ADAM12: variants seen among roughly 807,000 people sequenced by gnomAD.
ADAM12 encodes disintegrin and metalloproteinase domain-containing protein 12.
A neutral mutation model predicts 106.4 loss-of-function variants in ADAM12; 70 were observed. The ratio of observed to expected loss-of-function variants is 0.66; its 90% confidence interval spans 0.54 to 0.80. ADAM12 has a LOEUF of 0.80. Among genes scored for constraint, ADAM12 ranks in the 30% least tolerant of loss-of-function variants. ADAM12 has a pLI of 0.00. For synonymous variants in ADAM12, 420 were observed against 433.5 expected (o/e 0.97, Z 0.39); for missense variants, 1,010 against 1,171.9 (o/e 0.86, Z 2.02).
chr10:126,252,115 GGGATGGATGGATGGATGGACA>G (rs1958793554), intron 3 of ADAM12, among the ~76,000 whole-genome samples: 1 of 94,266 alleles, frequency 1.1e-5, no homozygotes, highest in African/African-American at 3.0e-5. Flanking sequence ...ATGGATGGAT[GGGATGGATGGATGGATGGACA>G]GGATGGATGG....
intron 3 of ADAM12, 50 bp from the exon 4 acceptor site, chr10:126,155,355 A>T: frequency 2.7e-6 from 4 of 1,507,112 alleles, no homozygotes; most frequent in Non-Finnish European, 3.7e-6. Context: ...AATTGCATTG[A>T]TACATTGTTG....
intron 21 of ADAM12, among the ~76,000 whole-genome samples, chr10:126,026,611 A>T (rs572477399): frequency 1.3e-5 from 2 of 152,244 alleles, no homozygotes; most frequent in African/African-American, 2.4e-5. Context: ...CTTAAGATTA[A>T]GAAATTCACT....
At chr10:126,227,177 A>G (rs548455035) in intron 3 of ADAM12, among the ~76,000 whole-genome samples, 1 of 151,960 alleles carries the variant, frequency 6.6e-6, no homozygotes, top group African/African-American at 2.4e-5. Flanking sequence ...GATCATAATC[A>G]CCATATCACC....
At chr10:126,344,823 TTGTC>T in intron 1 of ADAM12, among the ~76,000 whole-genome samples, 2 of 151,788 alleles carry the variant, frequency 1.3e-5, no homozygotes, top group East Asian at 3.9e-4. Flanking sequence ...GGCTCTCTGT[TTGTC>T]TGTTATTGGT....
intron 1 of ADAM12, among the ~76,000 whole-genome samples, chr10:126,332,846 A>C (rs1018875934): frequency 6.6e-6 from 1 of 152,108 alleles, no homozygotes; most frequent in Admixed American, 6.6e-5. Flanking sequence ...CTTGCTCAGG[A>C]CCCCACGGGA....
intron 1 of ADAM12, among the ~76,000 whole-genome samples, chr10:126,332,211 C>T (rs1424344447): frequency 6.6e-6 from 1 of 152,192 alleles, no homozygotes; most frequent in Admixed American, 6.5e-5. Context: ...AGATCTGATG[C>T]CTTCTATTCA....
intron 21 of ADAM12, among the ~76,000 whole-genome samples, chr10:126,023,989 A>G (rs1210412469): frequency 6.6e-6 from 1 of 152,154 alleles, no homozygotes; most frequent in Non-Finnish European, 1.5e-5. Context: ...ATATCCAAAG[A>G]CTTCAGATTT....
At chr10:126,341,390 T>C (rs1854927224) in intron 1 of ADAM12, among the ~76,000 whole-genome samples, 1 of 152,218 alleles carries the variant, frequency 6.6e-6, no homozygotes, top group Non-Finnish European at 1.5e-5. Flanking sequence ...GGCCTCATTG[T>C]GATCATGATG....
rs1197152514 is a variant in ADAM12, at chr10:126,284,883, C to G, written c.187-5895G>C. ...TGGAGAAAGGATGCTCCCTTACTCT[C>G]TTCACTGGGGCTGTTTTATTTCTTA... On this transcript the variant is annotated intron_variant, in intron 2 of 22. Coordinates refer to ENST00000448723, the MANE Select transcript of ADAM12 (RefSeq NM_001288973.2). 2.0e-5 allele frequency among the ~76,000 whole-genome samples: 3 copies of G among 152,322 alleles called. No homozygotes were observed. In the East Asian group the frequency reaches 5.8e-4, roughly 29 times the overall value.
At chr10:126,104,122 A>C (rs947985408) in intron 8 of ADAM12, among the ~76,000 whole-genome samples, 5 of 152,182 alleles carry the variant, frequency 3.3e-5, no homozygotes, top group Non-Finnish European at 7.3e-5. Flanking sequence ...GAGGAGAAGA[A>C]AACTGTCACA....
intron 1 of ADAM12, among the ~76,000 whole-genome samples, chr10:126,340,065 G>A (rs1854870001): frequency 6.6e-6 from 1 of 152,016 alleles, no homozygotes; most frequent in Non-Finnish European, 1.5e-5. Flanking sequence ...ACATTGGCCA[G>A]CATGGTCTTG....
chr10:126,088,839 T>C (rs535298162), intron 11 of ADAM12, among the ~76,000 whole-genome samples: 2 of 152,076 alleles, frequency 1.3e-5, no homozygotes, highest in African/African-American at 4.8e-5. Context: ...TGGAATTAAA[T>C]GTAATCGAAT....
chr10:126,089,990 A>G (rs1955431816), intron 11 of ADAM12, among the ~76,000 whole-genome samples: 2 of 152,032 alleles, frequency 1.3e-5, no homozygotes, highest in Non-Finnish European at 2.9e-5. Context: ...GGGTCTTGCT[A>G]TGTTGCCCAT....
intron 2 of ADAM12, among the ~76,000 whole-genome samples, chr10:126,291,978 CT>C (rs5788778): frequency 0.64 from 94,987 of 149,542 alleles, 30,111 homozygotes; most frequent in East Asian, 0.72. Flanking sequence ...TGGGGTTCAG[CT>C]TTTTTTTTTT....
intron 2 of ADAM12, among the ~76,000 whole-genome samples, chr10:126,281,777 G>GA (rs769532476): frequency 6.6e-6 from 1 of 152,060 alleles, no homozygotes; most frequent in Non-Finnish European, 1.5e-5. Context: ...GTCTTTTATT[G>GA]AATGCTTAAA....
At chr10:126,266,583 T>C (rs1307070262) in intron 3 of ADAM12, among the ~76,000 whole-genome samples, 1 of 152,146 alleles carries the variant, frequency 6.6e-6, no homozygotes, top group Non-Finnish European at 1.5e-5. Context: ...CCATATCCCT[T>C]ATGTATTAGT....
At chr10:126,051,631 G>A (rs933536404) in intron 14 of ADAM12, among the ~76,000 whole-genome samples, 22 of 131,908 alleles carry the variant, frequency 1.7e-4, no homozygotes, top group African/African-American at 5.1e-4. Context: ...CCAGCCACCC[G>A]TCCATCCATC....
intron 12 of ADAM12, 49 bp downstream of exon 12, chr10:126,071,428 G>T: frequency 6.3e-7 from 1 of 1,586,382 alleles, no homozygotes; most frequent in Non-Finnish European, 8.6e-7. Flanking sequence ...TCTTTGCCTA[G>T]CCGAGGATAC....
At chr10:126,039,169 G>C (rs952012811) in intron 19 of ADAM12, 125 bp downstream of exon 19, 11 of 1,168,410 alleles carry the variant, frequency 9.4e-6, no homozygotes, top group Middle Eastern at 2.1e-4. Flanking sequence ...CCGTGGTCTC[G>C]ATCTCCTGAC....
Sources: gnomAD v4.1 joint callset for allele counts (sites outside exome capture counted in the v4.1 genomes callset) on GRCh38, gnomAD v4.1.1 for gene constraint, MANE v1.5 for transcripts, NCBI Gene and HGNC (gene_info 2026-07-23, HGNC 2026-07-21) for gene names.